YJEFN3: variants seen among roughly 807,000 people sequenced by gnomAD.
The protein encoded by YJEFN3 is yjeF N-terminal domain-containing protein 3.
In YJEFN3, 29 loss-of-function variants were observed where a neutral mutation model predicts 31.5. The observed-to-expected ratio is 0.92, with a 90% confidence interval of 0.69 to 1.26. YJEFN3 has a LOEUF of 1.26. YJEFN3 is among the 50% of genes most tolerant of loss of function. The pLI, the probability that YJEFN3 is intolerant of heterozygous loss-of-function variation, is 0.00. For synonymous variants in YJEFN3, 227 were observed against 196.1 expected (o/e 1.16, Z -1.32); for missense variants, 442 against 425.4 (o/e 1.04, Z -0.34).
At position 19,535,555 on chromosome 19, in the gene YJEFN3, G is replaced by A. The variant is rs775156851; in HGVS notation, c.570G>A (p.Gly190=). The change falls in exon 6 of 7, where the codon GGG becomes GGA. Residue 190 remains glycine, a synonymous_variant. Transcript: ENST00000514277. ...TEVQLINEAY[G]LVVDAVLGPG... is the part of the protein sequence containing the mutation. ...TGCAGCTCATTAACGAAGCCTATGG[G>A]CTGGTGGTGGATGCCGTACTGGGCC... The A allele has an allele frequency of 2.5e-6, 4 of 1,593,614 alleles. No individual in the cohort carries two copies. In the South Asian group the frequency reaches 4.5e-5, roughly 18 times the overall value.
At chr19:19,531,349 G>A (rs1001839116) in intron 2 of YJEFN3, among the ~76,000 whole-genome samples, 21 of 152,188 alleles carry the variant, frequency 1.4e-4, no homozygotes, top group East Asian at 9.6e-4. Flanking sequence ...CAAGCCACTC[G>A]GCTTCTCTGA....
chr19:19,537,438 G>C lies in YJEFN3; in HGVS notation c.814G>C (p.Gly272Arg). Residue 272 changes from glycine (G) to arginine (R), a missense_variant, in exon 7 of 7, where the codon GGC (glycine) becomes CGC (arginine). By Grantham distance (125) the Gly-to-Arg change is moderately radical. Transcript: ENST00000514277. ...RFSGRHHFVA[G>R]RFVPDDVRRK... ...CTCCGGGCGCCACCACTTCGTGGCC[G>C]GCAGGTTCGTGCCCGATGACGTGCG... 1.3e-6 allele frequency: 2 copies of C among 1,588,614 alleles called. No individual in the cohort carries two copies. The highest frequency in any genetic ancestry group is 1.7e-6 in the Non-Finnish European group (2 of 1,173,428).
intron 1 of YJEFN3, 179 bp from the exon 2 acceptor site, chr19:19,529,185 G>A: frequency 1.4e-6 from 2 of 1,449,416 alleles, no homozygotes; most frequent in South Asian, 1.5e-5. Flanking sequence ...TGGCCAAGAC[G>A]GGCCTGGGAA....
intron 2 of YJEFN3, among the ~76,000 whole-genome samples, chr19:19,529,841 G>A (rs1022904085): frequency 2.6e-5 from 4 of 152,214 alleles, no homozygotes; most frequent in East Asian, 1.9e-4. Context: ...ACTGGCTGAC[G>A]AGGCTGGAGA....
chr19:19,535,768 G>C, intron 6 of YJEFN3, 89 bp downstream of exon 6: 1 of 1,479,282 alleles, frequency 6.8e-7, no homozygotes, highest in South Asian at 1.2e-5. Context: ...CTGCCTGTCT[G>C]AACCTCAATC....
At chr19:19,535,977 C>T (rs1245536593) in intron 6 of YJEFN3, 7 of 566,592 alleles carry the variant, frequency 1.2e-5, no homozygotes, top group South Asian at 1.1e-4. Flanking sequence ...AGGCCGCGCC[C>T]GCCCTGGCTG....
chr19:19,530,018 G>A (rs1010516351), intron 2 of YJEFN3, among the ~76,000 whole-genome samples: 3 of 152,188 alleles, frequency 2.0e-5, no homozygotes, highest in South Asian at 4.1e-4. Context: ...TGCTGTGTGC[G>A]GCCAGGTGAT....
chr19:19,532,896 C>T (rs1032202652), intron 3 of YJEFN3, among the ~76,000 whole-genome samples, 156 bp downstream of exon 3: 2 of 152,194 alleles, frequency 1.3e-5, no homozygotes, highest in African/African-American at 4.8e-5. Context: ...CAGAGAGGCT[C>T]ATGGCTGGTG....
At chr19:19,529,974 C>T (rs995547862) in intron 2 of YJEFN3, among the ~76,000 whole-genome samples, 2 of 152,164 alleles carry the variant, frequency 1.3e-5, no homozygotes, top group African/African-American at 4.8e-5. Context: ...TCAAAGCCCC[C>T]CCAGGCTCAT....
Position 19,535,153 on chromosome 19 carries a change from C to T in YJEFN3, c.429+9C>T. On this transcript the variant is annotated intron_variant, in intron 4 of 6. Coordinates refer to ENST00000514277, the MANE Select transcript of YJEFN3 (RefSeq NM_198537.4). ...GGCACCTGCGGGTGTTTGTAAGTAG[C>T]AAGGACCCCTTCGACCTCCCAAAGT... is the stretch of plus-strand genomic sequence containing the variant. 1 of 1,592,660 alleles carries T rather than the reference C, an allele frequency of 6.3e-7. No homozygotes were observed. Among genetic ancestry groups the T allele is most frequent in the Middle Eastern group, 1.7e-4 (1 of 5,954 alleles).
chr19:19,530,852 C>A lies in YJEFN3; in HGVS notation c.209+1339C>A, dbSNP rs73922902. ...TGTCCCAGGGCATGTGACTTTCCTG[C>A]CCTGAGTCTCTGTCTCCGTCTTTAT... On this transcript the variant is annotated intron_variant, in intron 2 of 6. Transcript: ENST00000514277. 9.3e-3 allele frequency among the ~76,000 whole-genome samples: 1,418 copies of A among 152,270 alleles called. 16 individuals are homozygous for A. Among genetic ancestry groups the A allele is most frequent in the African/African-American group, 0.033 (1,367 of 41,538 alleles).
In YJEFN3 at chr19:19,537,496, C is replaced by T. The variant is rs200631877; in HGVS notation, c.872C>T (p.Thr291Met). 23 of 1,569,700 alleles carry T rather than the reference C, an allele frequency of 1.5e-5. No homozygotes were observed. The highest frequency in any genetic ancestry group is 6.8e-5 in the East Asian group (3 of 43,820). The change falls in exon 7 of 7, where the codon ACG (threonine) becomes ATG (methionine). Residue 291 changes from threonine (T) to methionine (M), a missense_variant. Coordinates refer to ENST00000514277, the MANE Select transcript of YJEFN3 (RefSeq NM_198537.4). ...RKFALRLPGYTGTDCVAAL is the reference protein window; with the variant it reads ...RKFALRLPGYMGTDCVAAL Reference sequence around the variant, plus strand: ...TTCGCTCTGCGCCTGCCGGGATACACGGGCACCGACTGCGTCGCGGCACTG... The same window carrying T: ...TTCGCTCTGCGCCTGCCGGGATACATGGGCACCGACTGCGTCGCGGCACTG...
chr19:19,529,378 A>C lies in YJEFN3; in HGVS notation c.74A>C (p.Gln25Pro). ...ERHFLRALEL[Q>P]PPLADMGRAE... ...ATCTCTCCCAGGGCCTTGGAGCTGCAGCCCCCACTTGCCGACATGGGAAGA... is the reference window on the plus strand; with the variant it reads ...ATCTCTCCCAGGGCCTTGGAGCTGCCGCCCCCACTTGCCGACATGGGAAGA... The change falls in exon 2 of 7, where the codon CAG becomes CCG. Residue 25 changes from glutamine to proline, a missense_variant. Physicochemically the swap from Gln to Pro is moderately conservative, Grantham distance 76. Coordinates refer to ENST00000514277, the MANE Select transcript of YJEFN3 (RefSeq NM_198537.4). 6.2e-7 allele frequency: 1 copy of C among 1,612,770 alleles called. No homozygotes were observed. The highest frequency in any genetic ancestry group is 8.5e-7 in the Non-Finnish European group (1 of 1,179,430).
chr19:19,532,657 C>G lies in YJEFN3; in HGVS notation c.235C>G (p.Arg79Gly). The change falls in exon 3 of 7, where the codon CGG (arginine) becomes GGG (glycine). Residue 79 changes from arginine (R) to glycine (G), a missense_variant. By Grantham distance (125) the Arg-to-Gly change is moderately radical (BLOSUM62 -2). Transcript: ENST00000514277. ...CACCGCGGAGGCAGCCGCCCTGGAGCGGGAGCTGCTGGAGGATTATCGCTT... is the reference window on the plus strand; with the variant it reads ...CACCGCGGAGGCAGCCGCCCTGGAGGGGGAGCTGCTGGAGGATTATCGCTT... ...QSTAEAAALE[R>G]ELLEDYRFGR... 6.4e-7 allele frequency: 1 copy of G among 1,564,578 alleles called. No individual in the cohort carries two copies. Among genetic ancestry groups the G allele is most frequent in the Non-Finnish European group, 8.6e-7 (1 of 1,161,350 alleles).
chr19:19,530,679 A>T (rs987266744), intron 2 of YJEFN3, among the ~76,000 whole-genome samples: 1 of 152,058 alleles, frequency 6.6e-6, no homozygotes. Context: ...CGCACCTCCT[A>T]TGTGCTTTCC....
rs768302494 is a variant in YJEFN3 at position 19,535,656 on chromosome 19, T to C, written c.671T>C (p.Leu224Pro). The C allele has an allele frequency of 6.4e-7, 1 of 1,570,422 alleles. No individual in the cohort carries two copies. The highest frequency in any genetic ancestry group is 1.2e-5 in the South Asian group (1 of 86,556). Residue 224 changes from leucine to proline, a missense_variant, in exon 6 of 7, where the codon CTC (leucine) becomes CCC (proline). Coordinates refer to ENST00000514277, the MANE Select transcript of YJEFN3 (RefSeq NM_198537.4). The part of the protein sequence containing the change: ...LATLKLLSIP[L>P]VSLDIPSGWD... The stretch of plus-strand genomic sequence containing the variant: ...ACGCTCAAGCTGCTGTCCATCCCCC[T>C]CGTGAGCCTGGACATCCCCTCAGGC...
At position 19,530,609 on chromosome 19, in the gene YJEFN3, ATGGAGG is replaced by A. The variant is rs946242075; in HGVS notation, c.209+1103_209+1108del. ...GGGCAGCAGTCAGAGCTGTCACAAGATGGAGGTGGAGGAATGAGCCATGTTCCCAGC... is the reference window on the plus strand; with the variant it reads ...GGGCAGCAGTCAGAGCTGTCACAAGATGGAGGAATGAGCCATGTTCCCAGC... On this transcript the variant is annotated intron_variant, in intron 2 of 6. Coordinates refer to ENST00000514277, the MANE Select transcript of YJEFN3 (RefSeq NM_198537.4). Among the ~76,000 whole-genome samples the A allele has an allele frequency of 2.1e-4, 32 of 152,302 alleles. No individual in the cohort carries two copies. In the East Asian group the frequency reaches 4.6e-3, roughly 22 times the overall value.
chr19:19,535,358 T>C lies in YJEFN3; in HGVS notation c.451T>C (p.Tyr151His), dbSNP rs1167319155. 72 of 1,613,788 alleles carry C rather than the reference T, an allele frequency of 4.5e-5. No homozygotes were observed. Among genetic ancestry groups the C allele is most frequent in the Non-Finnish European group, 6.0e-5 (71 of 1,179,984 alleles). Residue 151 changes from tyrosine (Y) to histidine (H), a missense_variant, in exon 5 of 7, where the codon TAC (tyrosine) becomes CAC (histidine). Physicochemically the swap from Tyr to His is moderately conservative, Grantham distance 83. Transcript: ENST00000514277. ...RVFEYEPTIF[Y>H]PTRSLDLLHR... ...CCAGGAGTATGAACCCACCATCTTC[T>C]ACCCCACACGCTCGCTGGACCTGCT...
In YJEFN3 at chr19:19,531,545, C is replaced by G. The variant is rs541974563; in HGVS notation, c.210-1087C>G. 1.1e-4 allele frequency among the ~76,000 whole-genome samples: 16 copies of G among 152,054 alleles called. No homozygotes were observed. The South Asian group carries it at 3.3e-3, about 32-fold the overall frequency. On this transcript the variant is annotated intron_variant, in intron 2 of 6. Coordinates refer to ENST00000514277, the MANE Select transcript of YJEFN3 (RefSeq NM_198537.4). Reference sequence around the variant, plus strand: ...ATCCTCCTGCCTCAGCCTCCTGGGTCACCGGGATTACAGGTGTCCACCACC... The same window carrying G: ...ATCCTCCTGCCTCAGCCTCCTGGGTGACCGGGATTACAGGTGTCCACCACC...
Sources: gnomAD v4.1 joint callset for allele counts (sites outside exome capture counted in the v4.1 genomes callset) on GRCh38, gnomAD v4.1.1 for gene constraint, MANE v1.5 for transcripts, NCBI Gene and HGNC (gene_info 2026-07-23, HGNC 2026-07-21) for gene names.